ADAM32: variants seen among roughly 807,000 people sequenced by gnomAD.
ADAM32 encodes disintegrin and metalloproteinase domain-containing protein 32.
A neutral mutation model predicts 114.9 loss-of-function variants in ADAM32; 89 were observed. That is an observed-to-expected ratio of 0.77 (90% confidence interval 0.65 to 0.92). ADAM32 has a LOEUF of 0.92. Ranked by LOEUF, ADAM32 falls within the 40% of genes least tolerant of loss-of-function variation. The probability of loss-of-function intolerance (pLI) is 0.00; values close to 1 mark genes in which losing one functional copy is unlikely to be tolerated. For synonymous variants in ADAM32, 285 were observed against 307.5 expected (o/e 0.93, Z 0.77); for missense variants, 870 against 932.8 (o/e 0.93, Z 0.88).
At chr8:39,250,120 C>A (rs1811194016) in intron 17 of ADAM32, among the ~76,000 whole-genome samples, 1 of 151,952 alleles carries the variant, frequency 6.6e-6, no homozygotes, top group African/African-American at 2.4e-5. Context: ...TGTTGTGAGA[C>A]ATTAATTTTG....
At chr8:39,128,081 T>A (rs1802220377) in intron 2 of ADAM32, among the ~76,000 whole-genome samples, 1 of 152,124 alleles carries the variant, frequency 6.6e-6, no homozygotes, top group African/African-American at 2.4e-5. Flanking sequence ...CTTTGTTAAT[T>A]TTCTGTTTCG....
chr8:39,261,598 T>C (rs984452067), intron 19 of ADAM32, among the ~76,000 whole-genome samples: 3 of 152,200 alleles, frequency 2.0e-5, no homozygotes, highest in African/African-American at 4.8e-5. Flanking sequence ...GTTCATATGG[T>C]AGTTGCATTT....
chr8:39,227,971 G>T (rs1393794434), intron 14 of ADAM32, among the ~76,000 whole-genome samples: 2 of 152,210 alleles, frequency 1.3e-5, no homozygotes, highest in Admixed American at 1.3e-4. Context: ...GGTATCCATG[G>T]CTGAGAGACC....
At chr8:39,273,722 A>G (rs1401702424) in intron 20 of ADAM32, among the ~76,000 whole-genome samples, 3 of 151,848 alleles carry the variant, frequency 2.0e-5, no homozygotes, top group Non-Finnish European at 2.9e-5. Flanking sequence ...GTGAGCTCTC[A>G]GTTTTATCGT....
intron 2 of ADAM32, among the ~76,000 whole-genome samples, chr8:39,122,386 C>G (rs911286083): frequency 1.2e-4 from 18 of 152,042 alleles, no homozygotes; most frequent in African/African-American, 4.1e-4. Context: ...GGACTGGTGT[C>G]CTTATAAGAA....
chr8:39,175,893 T>A (rs1208803234), intron 10 of ADAM32, among the ~76,000 whole-genome samples: 1 of 152,200 alleles, frequency 6.6e-6, no homozygotes, highest in East Asian at 1.9e-4. Flanking sequence ...ATTCAATTTC[T>A]TCCTGGTTCA....
intron 3 of ADAM32, among the ~76,000 whole-genome samples, chr8:39,142,042 T>C (rs1402200061): frequency 6.6e-6 from 1 of 152,218 alleles, no homozygotes; most frequent in Admixed American, 6.5e-5. Flanking sequence ...GTTTTCCATT[T>C]GCTTGGTAGA....
chr8:39,168,952 G>T (rs544350347), intron 9 of ADAM32: 4 of 152,294 alleles, frequency 2.6e-5, no homozygotes, highest in Admixed American at 1.3e-4. Context: ...GAGAAACAGA[G>T]TAAACAATAC....
intron 11 of ADAM32, among the ~76,000 whole-genome samples, chr8:39,199,042 C>G (rs983702900): frequency 1.3e-5 from 2 of 152,142 alleles, no homozygotes; most frequent in Non-Finnish European, 2.9e-5. Flanking sequence ...CTTTCATTCT[C>G]TCCTGGCCTA....
At chr8:39,124,614 C>T (rs1008545049) in intron 2 of ADAM32, among the ~76,000 whole-genome samples, 2 of 152,020 alleles carry the variant, frequency 1.3e-5, no homozygotes, top group African/African-American at 4.8e-5. Context: ...GACGGGGTTT[C>T]ACCGTGTTAG....
chr8:39,222,316 C>T (rs770942599), intron 13 of ADAM32, among the ~76,000 whole-genome samples: 3 of 151,990 alleles, frequency 2.0e-5, no homozygotes, highest in Non-Finnish European at 4.4e-5. Flanking sequence ...ATCCGTAATG[C>T]AGTCTACCTT....
rs757370149 is a variant in ADAM32 at position 39,246,087 on chromosome 8, G to T, written c.1823G>T (p.Cys608Phe). 3 of 1,613,252 alleles carry T rather than the reference G, an allele frequency of 1.9e-6. No individual in the cohort carries two copies. The highest frequency in any genetic ancestry group is 2.5e-6 in the Non-Finnish European group (3 of 1,179,454). ...TTTGTATGTGTTTTTCTTTAGGTTT[G>T]TGTAAATCGTGAATGTGTAGAATCA... ...NGSQCDIGRV[C>F]VNRECVESRI... The change falls in exon 17 of 25, where the codon TGT becomes TTT. Residue 608 changes from cysteine to phenylalanine, a missense_variant. By Grantham distance (205) the Cys-to-Phe change is radical. Transcript: ENST00000379907.
At chr8:39,232,694 C>T (rs1338806883) in intron 15 of ADAM32, among the ~76,000 whole-genome samples, 3 of 152,112 alleles carry the variant, frequency 2.0e-5, no homozygotes, top group Non-Finnish European at 4.4e-5. Context: ...TTTAGAAATA[C>T]TTCACTGTTT....
At chr8:39,254,362 T>C (rs1273693465) in intron 17 of ADAM32, 52 bp from the exon 18 acceptor site, 7 of 1,423,342 alleles carry the variant, frequency 4.9e-6, no homozygotes, top group Non-Finnish European at 6.7e-6. Flanking sequence ...ATGCTCACCT[T>C]CTCTGAGAAA....
chr8:39,190,835 G>A (rs1174275542), intron 11 of ADAM32, among the ~76,000 whole-genome samples: 1 of 152,058 alleles, frequency 6.6e-6, no homozygotes, highest in Admixed American at 6.5e-5. Flanking sequence ...TGAGTCATGG[G>A]GGTTTGTTGT....
chr8:39,274,541 C>T (rs995567624), intron 21 of ADAM32, among the ~76,000 whole-genome samples, 191 bp downstream of exon 21: 1 of 152,062 alleles, frequency 6.6e-6, no homozygotes, highest in East Asian at 1.9e-4. Context: ...TAAATGTTTA[C>T]TGGAGGTCTC....
chr8:39,221,548 C>T, intron 12 of ADAM32, 62 bp from the exon 13 acceptor site: 2 of 1,269,784 alleles, frequency 1.6e-6, no homozygotes, highest in Non-Finnish European at 2.3e-6. Context: ...AAATATAACT[C>T]CTAGTAAAGA....
chr8:39,158,309 T>G, intron 6 of ADAM32: 1 of 174,970 alleles, frequency 5.7e-6, no homozygotes, highest in Non-Finnish European at 1.2e-5. Context: ...CTTGCAGTAC[T>G]TGGTAAAAGC....
At chr8:39,238,993 T>G (rs1347027378) in intron 16 of ADAM32, among the ~76,000 whole-genome samples, 1 of 152,088 alleles carries the variant, frequency 6.6e-6, no homozygotes. Flanking sequence ...TTGGAAAACT[T>G]ATTTGAGGGA....
Sources: allele counts gnomAD v4.1 joint callset (sites outside exome capture counted in the v4.1 genomes callset), GRCh38; gene constraint gnomAD v4.1.1; transcripts MANE v1.5; gene names NCBI Gene and HGNC (gene_info 2026-07-23, HGNC 2026-07-21).